Variants in CAD observed in about 807,000 individuals in gnomAD.
CAD encodes multifunctional protein CAD.
CAD carries 81 observed loss-of-function variants against 237.2 expected under a neutral mutation model. The ratio of observed to expected loss-of-function variants is 0.34; its 90% CI spans 0.29 to 0.41. The LOEUF is 0.41. Among genes scored for constraint, CAD ranks in the 10% least tolerant of loss-of-function variants. The pLI, the probability that CAD is intolerant of heterozygous loss-of-function variation, is 1.00. For missense variants in CAD, 2,181 were observed against 2,951.7 expected (o/e 0.74, Z 6.05); for synonymous variants, 1,196 against 1,162.8 (o/e 1.03, Z -0.58).
chr2:27,218,193 G>C (rs866076055), intron 2 of CAD, among the ~76,000 whole-genome samples, 177 bp downstream of exon 2: 2 of 152,324 alleles, frequency 1.3e-5, no homozygotes, highest in Middle Eastern at 3.4e-3. Flanking sequence ...TAAGTGCCTT[G>C]GGAGGCACAG....
Position 27,233,129 on chromosome 2 carries a change from A to C in CAD, c.2980A>C (p.Ile994Leu), listed in dbSNP as rs773181850. 3 of 1,612,176 alleles carry C rather than the reference A, an allele frequency of 1.9e-6. No homozygotes were observed. In the South Asian group the frequency reaches 3.3e-5, roughly 18 times the overall value. The change falls in exon 19 of 44, where the codon ATC (isoleucine) becomes CTC (leucine). Residue 994 changes from isoleucine to leucine, a missense_variant. By Grantham distance (5) the Ile-to-Leu change is conservative (BLOSUM62 2). Coordinates refer to ENST00000264705, the MANE Select transcript of CAD (RefSeq NM_004341.5). The surrounding 1 kb of genome is among the most constrained non-coding windows in gnomAD (Gnocchi z 6.3). ...DMCDRLYFDEISFEVVMDIYE... is the reference protein window; with the variant it reads ...DMCDRLYFDELSFEVVMDIYE... Reference sequence around the variant, plus strand: ...GTGTGATCGACTCTACTTTGATGAGATCTCTTTTGAGGTGAGGGAGATGGA... The same window carrying C: ...GTGTGATCGACTCTACTTTGATGAGCTCTCTTTTGAGGTGAGGGAGATGGA...
rs913861052 is a variant in CAD, at chr2:27,235,792, G to A, written c.4074+152G>A. 31 of 641,896 alleles carry A rather than the reference G, an allele frequency of 4.8e-5. No individual in the cohort carries two copies. The highest frequency in any genetic ancestry group is 1.9e-5 in the South Asian group (1 of 52,142). 39.8% of individuals were successfully genotyped at this position (641,896 alleles called of 1,614,324 possible). On this transcript the variant is annotated intron_variant, in intron 25 of 43. Transcript: ENST00000264705. The surrounding 1 kb of genome is among the most constrained non-coding windows in gnomAD (Gnocchi z 5.2). ...AGGCAGGAGAATCTCTTGAGCCCAGGAGGTAGAGGCTGCAGTGAGCTGCGA... is the reference window on the plus strand; with the variant it reads ...AGGCAGGAGAATCTCTTGAGCCCAGAAGGTAGAGGCTGCAGTGAGCTGCGA...
Position 27,236,114 on chromosome 2 carries a change from C to T in CAD, c.4075-170C>T, listed in dbSNP as rs1178731349. Reference sequence around the variant, plus strand: ...ATCTTACTTAGTGTAGATATCTTTCCTGCCAAGAAATACACTTTGCCAGTA... The same window carrying T: ...ATCTTACTTAGTGTAGATATCTTTCTTGCCAAGAAATACACTTTGCCAGTA... On this transcript the variant is annotated intron_variant, in intron 25 of 43. Coordinates refer to ENST00000264705, the MANE Select transcript of CAD (RefSeq NM_004341.5). This position sits in a 1 kb window ranked among gnomAD's most constrained non-coding sequence, Gnocchi z 4.1. 6.6e-6 allele frequency among the ~76,000 whole-genome samples: 1 copy of T among 150,508 alleles called. No individual in the cohort carries two copies. Among genetic ancestry groups the T allele is most frequent in the East Asian group, 2.0e-4 (1 of 5,102 alleles).
rs542135109 is a variant in CAD at position 27,226,958 on chromosome 2, C to T, written c.2283C>T (p.Ser761=). Residue 761 remains serine (S), a synonymous_variant, in exon 15 of 44, where the codon AGC becomes AGT. Coordinates refer to ENST00000264705, the MANE Select transcript of CAD (RefSeq NM_004341.5). ...CAAAGATTGGGAGCTGCATGAAGAGCGTTGGTGAGACTCATGCCCTGGGCA... is the reference window on the plus strand; with the variant it reads ...CAAAGATTGGGAGCTGCATGAAGAGTGTTGGTGAGACTCATGCCCTGGGCA... ...VSTKIGSCMK[S]VGEVMGIGRS... The T allele has an allele frequency of 2.0e-5, 32 of 1,614,080 alleles. No individual in the cohort carries two copies. The highest frequency in any genetic ancestry group is 1.7e-4 in the Middle Eastern group (1 of 6,060).
chr2:27,239,646 G>A lies in CAD; in HGVS notation c.5395-51G>A. ...GTCCTTGCTGACATCTACCCCTTTAGGACCTGAGTTCTCTCTGCTCCCTCC... is the reference window on the plus strand; with the variant it reads ...GTCCTTGCTGACATCTACCCCTTTAAGACCTGAGTTCTCTCTGCTCCCTCC... On this transcript the variant is annotated intron_variant, in intron 33 of 43. Transcript: ENST00000264705. The surrounding 1 kb of genome is among the most constrained non-coding windows in gnomAD (Gnocchi z 4.0). 6.6e-7 allele frequency: 1 copy of A among 1,508,030 alleles called. No individual in the cohort carries two copies. Among genetic ancestry groups the A allele is most frequent in the East Asian group, 2.3e-5 (1 of 43,954 alleles). 93.4% of individuals were successfully genotyped at this position (1,508,030 alleles called of 1,614,324 possible).
At position 27,232,948 on chromosome 2, in the gene CAD, T is replaced by C. The variant is rs1675830468; in HGVS notation, c.2893-94T>C. The C allele has an allele frequency of 8.7e-6, 8 of 914,396 alleles. No homozygotes were observed. The Admixed American group carries it at 1.5e-4, about 17-fold the overall frequency. The allele number at this position is 914,396 out of a possible 1,614,324, so 56.6% of individuals were successfully genotyped here. ...TTCAGAGGAAGCTGTGCTGGCAGTC[T>C]CTGAAGTAGGGGCTTTGGCTTAGTT... is the stretch of plus-strand genomic sequence containing the variant. On this transcript the variant is annotated intron_variant, in intron 18 of 43. Coordinates refer to ENST00000264705, the MANE Select transcript of CAD (RefSeq NM_004341.5). The surrounding 1 kb of genome is among the most constrained non-coding windows in gnomAD (Gnocchi z 4.1).
chr2:27,217,545 C>A lies in CAD; in HGVS notation c.-7C>A, dbSNP rs1253069312. The A allele has an allele frequency of 1.9e-6, 3 of 1,602,720 alleles. No individual in the cohort carries two copies. Reference sequence around the variant, plus strand: ...CGTACTCGCCCCCGCCTCTGAGCTCCCTTCCCATGGCGGCCCTAGTGTTGG... The same window carrying A: ...CGTACTCGCCCCCGCCTCTGAGCTCACTTCCCATGGCGGCCCTAGTGTTGG... On this transcript the variant is annotated 5_prime_UTR_variant, in exon 1 of 44. Transcript: ENST00000264705.
At chr2:27,238,958 G>A (rs1676159773) in intron 31 of CAD, 84 bp from the exon 32 acceptor site, 2 of 1,305,226 alleles carry the variant, frequency 1.5e-6, no homozygotes, top group Non-Finnish European at 2.1e-6. Flanking sequence ...TAAGGAGGTT[G>A]TTGGAAGTGC....
In CAD at chr2:27,221,166, T is replaced by C. The variant is rs571455762; in HGVS notation, c.223-52T>C. The C allele has an allele frequency of 1.9e-4, 274 of 1,468,778 alleles. 1 individual carries two copies. The East Asian group carries it at 5.6e-3, about 30-fold the overall frequency. 91.0% of individuals were successfully genotyped at this position (1,468,778 alleles called of 1,614,324 possible). On this transcript the variant is annotated intron_variant, in intron 2 of 43. Transcript: ENST00000264705. ...TGTGGCCACACAATCGGGAAAATGC[T>C]GCAAAGAAATAACTTGGCCTGAGGC...
At position 27,225,109 on chromosome 2, in the gene CAD, C is replaced by G. The variant is rs200964128; in HGVS notation, c.1486C>G (p.Arg496Gly). ...GCTGACCAAGGCCGGGGTGCTGGCT[C>G]GGTATGGGGTCCGGGTCCTGGGCAC... ...VELTKAGVLA[R>G]YGVRVLGTPV... The change falls in exon 11 of 44, where the codon CGG (arginine) becomes GGG (glycine). Residue 496 changes from arginine (R) to glycine (G), a missense_variant. Around this residue, in one of 12 missense-constraint regions of CAD, gnomAD observed 174 missense variants for 215.8 expected, o/e 0.81. Coordinates refer to ENST00000264705, the MANE Select transcript of CAD (RefSeq NM_004341.5). 9.3e-6 allele frequency: 15 copies of G among 1,613,934 alleles called. No homozygotes were observed. The highest frequency in any genetic ancestry group is 1.3e-5 in the Non-Finnish European group (15 of 1,180,022).
At position 27,241,198 on chromosome 2, in the gene CAD, C is replaced by G. The variant is rs368315254; in HGVS notation, c.5779C>G (p.Leu1927Val). 1.3e-5 allele frequency: 21 copies of G among 1,612,696 alleles called. No homozygotes were observed. Among genetic ancestry groups the G allele is most frequent in the Non-Finnish European group, 1.7e-5 (20 of 1,179,372 alleles). The change falls in exon 37 of 44, where the codon CTG becomes GTG. Residue 1927 changes from leucine (L) to valine (V), a missense_variant. Physicochemically the swap from Leu to Val is conservative, Grantham distance 32. Around this residue, in one of 12 missense-constraint regions of CAD, gnomAD observed 203 missense variants for 284.5 expected, o/e 0.71. Transcript: ENST00000264705. This position sits in a 1 kb window ranked among gnomAD's most constrained non-coding sequence, Gnocchi z 4.6. ...GCACTCATTAGTGGGCCAACATATC[C>G]TGTCCGTCCAGCAGTTCACCAAGGA... ...LLHSLVGQHI[L>V]SVQQFTKDQM...
Position 27,226,845 on chromosome 2 carries a change from G to T in CAD, c.2170G>T (p.Gly724Trp). 1 of 1,614,176 alleles carries T rather than the reference G, an allele frequency of 6.2e-7. No homozygotes were observed. The highest frequency in any genetic ancestry group is 2.2e-5 in the East Asian group (1 of 44,890). ...PLPELRNSVT[G>W]GTAAFEPSVD... ...GCTGGACCCCAGGAACTCTGTGACA[G>T]GGGGTACAGCAGCCTTTGAACCCAG... Residue 724 changes from glycine to tryptophan, a missense_variant, in exon 15 of 44, where the codon GGG becomes TGG. Physicochemically the swap from Gly to Trp is radical, Grantham distance 184 (BLOSUM62 -2). Transcript: ENST00000264705.
chr2:27,225,219 C>G lies in CAD; in HGVS notation c.1596C>G (p.Ser532Arg). 1 of 1,611,618 alleles carries G rather than the reference C, an allele frequency of 6.2e-7. No individual in the cohort carries two copies. Among genetic ancestry groups the G allele is most frequent in the Non-Finnish European group, 8.5e-7 (1 of 1,179,280 alleles). ...AGATCGGAGAGCATGTGGCCCCGAGCGAGGCAGCAAATTCTCTTGAACAGG... is the reference window on the plus strand; with the variant it reads ...AGATCGGAGAGCATGTGGCCCCGAGGGAGGCAGCAAATTCTCTTGAACAGG... ...MAEIGEHVAPSEAANSLEQAQ... is the reference protein window; with the variant it reads ...MAEIGEHVAPREAANSLEQAQ... Residue 532 changes from serine (S) to arginine (R), a missense_variant, in exon 11 of 44, where the codon AGC (serine) becomes AGG (arginine). Transcript: ENST00000264705.
At chr2:27,234,435 G>A (rs1259661375) in intron 22 of CAD, 83 bp from the exon 23 acceptor site, 2 of 1,392,250 alleles carry the variant, frequency 1.4e-6, no homozygotes, top group Non-Finnish European at 2.0e-6. Context: ...CCAGAGCTGA[G>A]GACGGAGAGG....
Position 27,241,138 on chromosome 2 carries a change from C to T in CAD, c.5719C>T (p.Pro1907Ser), listed in dbSNP as rs1291352156. 1.2e-6 allele frequency: 2 copies of T among 1,612,192 alleles called. No homozygotes were observed. Among genetic ancestry groups the T allele is most frequent in the South Asian group, 2.2e-5 (2 of 90,922 alleles). ...GGCATCTCCCCAGAACCTGGGGACC[C>T]CTGGCTTGCTGCACCCCCAGACCTC... Reference protein sequence around the residue: ...RQASPQNLGTPGLLHPQTSPL... With the variant: ...RQASPQNLGTSGLLHPQTSPL... Residue 1907 changes from proline to serine, a missense_variant, in exon 37 of 44, where the codon CCT (proline) becomes TCT (serine). By Grantham distance (74) the Pro-to-Ser change is moderately conservative. Transcript: ENST00000264705. This position sits in a 1 kb window ranked among gnomAD's most constrained non-coding sequence, Gnocchi z 4.6.
intron 15 of CAD, among the ~76,000 whole-genome samples, 167 bp downstream of exon 15, chr2:27,227,129 CTG>C (rs2148068110): frequency 6.6e-6 from 1 of 152,336 alleles, no homozygotes; most frequent in Admixed American, 6.5e-5. Flanking sequence ...ATCTGGAAAT[CTG>C]TGTTGGAATA....
rs767774112 is a variant in CAD at position 27,242,154 on chromosome 2, TAAG to T, written c.6096+35_6096+37del. 2 of 1,607,136 alleles carry T rather than the reference TAAG, an allele frequency of 1.2e-6. No homozygotes were observed. Among genetic ancestry groups the T allele is most frequent in the Non-Finnish European group, 1.7e-6 (2 of 1,176,152 alleles). On this transcript the variant is annotated intron_variant, in intron 39 of 43. Transcript: ENST00000264705. The surrounding 1 kb of genome is among the most constrained non-coding windows in gnomAD (Gnocchi z 6.4). Reference sequence around the variant, plus strand: ...GCCAGCCTGGGTACTGAGATGGGGTTAAGAAGGCTGGACCCAGGGGCATGAGAA... The same window carrying T: ...GCCAGCCTGGGTACTGAGATGGGGTTAAGGCTGGACCCAGGGGCATGAGAA...
chr2:27,221,992 T>C (rs1446452159), intron 3 of CAD, among the ~76,000 whole-genome samples: 1 of 151,248 alleles, frequency 6.6e-6, no homozygotes, highest in Non-Finnish European at 1.5e-5. Flanking sequence ...TGGATAGATT[T>C]AGAGTTGTTC....
chr2:27,221,217 G>T lies in CAD; in HGVS notation c.223-1G>T. The T allele has an allele frequency of 6.5e-7, 1 of 1,528,478 alleles. No individual in the cohort carries two copies. Among genetic ancestry groups the T allele is most frequent in the Non-Finnish European group, 8.8e-7 (1 of 1,133,134 alleles). 94.7% of individuals were successfully genotyped at this position (1,528,478 alleles called of 1,614,324 possible). On this transcript the variant is annotated splice_acceptor_variant, in intron 2 of 43. Transcript: ENST00000264705. LOFTEE classifies it high-confidence loss of function. The stretch of plus-strand genomic sequence containing the variant: ...TTCTCACAATCTCTTTCCATCTACA[G>T]TGGTTTGAATCCTCGGGCATCCACG...
Sources: gnomAD v4.1 joint callset for allele counts (sites outside exome capture counted in the v4.1 genomes callset) on GRCh38, gnomAD v4.1.1 for gene constraint, gnomAD v4.1.1 regional missense constraint, Gnocchi (gnomAD v3.1) non-coding constraint, MANE v1.5 for transcripts, NCBI Gene and HGNC (gene_info 2026-07-23, HGNC 2026-07-21) for gene names.